The following PRKN variants were observed in gnomAD, a reference collection of about 807,000 sequenced individuals.
PRKN encodes parkin RBR E3 ubiquitin protein ligase.
In PRKN, 56 loss-of-function variants were observed where a neutral mutation model predicts 59.5. The observed-to-expected ratio is 0.94, with a 90% CI of 0.76 to 1.18. The LOEUF is 1.18. PRKN is among the 50% of genes most tolerant of loss of function. The pLI, the probability that PRKN is intolerant of heterozygous loss-of-function variation, is 0.00. For missense variants in PRKN, 657 were observed against 596.4 expected (o/e 1.10, Z -1.06); for synonymous variants, 250 against 222.1 (o/e 1.13, Z -1.12).
At chr6:162,242,708 G>T (rs1192609923) in intron 3 of PRKN, among the ~76,000 whole-genome samples, 1 of 152,144 alleles carries the variant, frequency 6.6e-6, no homozygotes, top group Non-Finnish European at 1.5e-5. Flanking sequence ...GGACAAAAAT[G>T]ACTCATGTCT....
chr6:162,400,953 T>A (rs912818571), intron 2 of PRKN, among the ~76,000 whole-genome samples: 3 of 152,106 alleles, frequency 2.0e-5, no homozygotes, highest in Non-Finnish European at 4.4e-5. Context: ...TTTTAAGCAA[T>A]TCTTGAATAA....
chr6:161,768,369 T>C (rs988858693), intron 7 of PRKN, among the ~76,000 whole-genome samples: 2 of 152,230 alleles, frequency 1.3e-5, no homozygotes, highest in South Asian at 4.1e-4. Flanking sequence ...TGATGTAAAA[T>C]GTATCTCTTT....
intron 6 of PRKN, among the ~76,000 whole-genome samples, chr6:161,809,695 C>A (rs577764303): frequency 6.6e-6 from 1 of 151,972 alleles, no homozygotes; most frequent in South Asian, 2.1e-4. Context: ...ATTTCCTATA[C>A]TGATAATAAA....
At chr6:162,153,049 C>G (rs1782341779) in intron 4 of PRKN, among the ~76,000 whole-genome samples, 1 of 152,136 alleles carries the variant, frequency 6.6e-6, no homozygotes, top group African/African-American at 2.4e-5. Context: ...CCTGAATTAC[C>G]AGGGCTTTTA....
chr6:161,733,783 A>AATATATATATATAT (rs1554298473), intron 7 of PRKN, among the ~76,000 whole-genome samples: 1 of 86,226 alleles, frequency 1.2e-5, no homozygotes, highest in African/African-American at 8.8e-5. Context: ...AAAAAAAAAA[A>AATATATATATATAT]ATATATATAT....
intron 7 of PRKN, among the ~76,000 whole-genome samples, chr6:161,643,972 G>C (rs144070134): frequency 2.1e-4 from 6 of 29,190 alleles, no homozygotes; most frequent in African/African-American, 3.6e-4. Flanking sequence ...ATATCTTGGT[G>C]GGGGGGGCCA....
chr6:161,785,944 T>C, intron 6 of PRKN, 36 bp from the exon 7 acceptor site: 3 of 1,611,696 alleles, frequency 1.9e-6, no homozygotes, highest in South Asian at 1.1e-5. Context: ...CTCTAGTACC[T>C]GTCAGTGTGG....
intron 1 of PRKN, among the ~76,000 whole-genome samples, chr6:162,598,784 C>T (rs773965488): frequency 9.3e-5 from 13 of 139,634 alleles, no homozygotes; most frequent in African/African-American, 2.7e-4. Context: ...CCCGTGGAGA[C>T]GGAAGTTGCA....
Position 162,077,751 on chromosome 6 carries a change from G to A in PRKN, c.535-23577C>T, listed in dbSNP as rs543238481. Among the ~76,000 whole-genome samples, 4 of 152,060 alleles carry A rather than the reference G, an allele frequency of 2.6e-5. No homozygotes were observed. In the East Asian group the frequency reaches 7.7e-4, roughly 29 times the overall value. On this transcript the variant is annotated intron_variant, in intron 4 of 11. Coordinates refer to ENST00000366898, the MANE Select transcript of PRKN (RefSeq NM_004562.3). Reference sequence around the variant, plus strand: ...GCTGTGGCTCAGGTCTGTAATCCCAGAACTTTGAGAGGCCGAGGCGGGTGG... The same window carrying A: ...GCTGTGGCTCAGGTCTGTAATCCCAAAACTTTGAGAGGCCGAGGCGGGTGG...
intron 2 of PRKN, among the ~76,000 whole-genome samples, chr6:162,346,918 T>C (rs1289088377): frequency 1.3e-5 from 2 of 151,894 alleles, no homozygotes; most frequent in Non-Finnish European, 2.9e-5. Context: ...TATTTCTAAA[T>C]TTGCTTTCCT....
At chr6:161,977,844 C>T (rs1359532758) in intron 5 of PRKN, among the ~76,000 whole-genome samples, 2 of 151,898 alleles carry the variant, frequency 1.3e-5, no homozygotes, top group South Asian at 2.1e-4. Context: ...CCACCACGCC[C>T]GGCCCTATCT....
At chr6:161,838,759 C>T (rs1172210732) in intron 6 of PRKN, among the ~76,000 whole-genome samples, 3 of 152,186 alleles carry the variant, frequency 2.0e-5, no homozygotes, top group Admixed American at 6.5e-5. Context: ...CCCTGGGGAG[C>T]GCTGGTCTCT....
intron 6 of PRKN, among the ~76,000 whole-genome samples, chr6:161,908,666 G>GAA (rs11339006): frequency 1.4e-5 from 2 of 147,776 alleles, no homozygotes; most frequent in Non-Finnish European, 3.0e-5. Flanking sequence ...TCTTTTCAAT[G>GAA]AAAAAAAAAA....
intron 10 of PRKN, among the ~76,000 whole-genome samples, chr6:161,366,801 C>A (rs117274604): frequency 6.6e-6 from 1 of 152,030 alleles, no homozygotes; most frequent in African/African-American, 2.4e-5. Context: ...CGATTTCTGT[C>A]CATCACTTCC....
chr6:162,245,458 T>G (rs565909098), intron 3 of PRKN, among the ~76,000 whole-genome samples: 1 of 152,072 alleles, frequency 6.6e-6, no homozygotes, highest in East Asian at 1.9e-4. Context: ...AGTAATAGGT[T>G]GAAGAAAATT....
intron 3 of PRKN, among the ~76,000 whole-genome samples, chr6:162,221,154 T>C (rs145910125): frequency 9.2e-5 from 14 of 152,332 alleles, no homozygotes; most frequent in African/African-American, 3.4e-4. Flanking sequence ...AAATGCATAT[T>C]CTGCCTATGT....
intron 4 of PRKN, among the ~76,000 whole-genome samples, chr6:162,187,189 G>A (rs956990908): frequency 2.0e-5 from 3 of 152,262 alleles, no homozygotes; most frequent in African/African-American, 2.4e-5. Flanking sequence ...AGAGAAAATC[G>A]GGGTGGATAA....
At chr6:161,900,486 A>G (rs1267096952) in intron 6 of PRKN, among the ~76,000 whole-genome samples, 3 of 141,706 alleles carry the variant, frequency 2.1e-5, no homozygotes, top group Non-Finnish European at 4.5e-5. Flanking sequence ...AATATATAAT[A>G]TAAATTATAT....
chr6:161,994,292 G>A (rs1446923801), intron 5 of PRKN, among the ~76,000 whole-genome samples: 1 of 150,828 alleles, frequency 6.6e-6, no homozygotes, highest in Non-Finnish European at 1.5e-5. Flanking sequence ...CATCTGAATA[G>A]ATGTAGAAAA....
Sources: gnomAD v4.1 joint callset for allele counts (sites outside exome capture counted in the v4.1 genomes callset) on GRCh38, gnomAD v4.1.1 for gene constraint, MANE v1.5 for transcripts, NCBI Gene and HGNC (gene_info 2026-07-23, HGNC 2026-07-21) for gene names.